Variants in UST observed in about 807,000 individuals in gnomAD.
UST encodes the protein uronyl 2-sulfotransferase.
A neutral mutation model predicts 45.6 loss-of-function variants in UST; 21 were observed. The observed-to-expected ratio is 0.46, with a 90% CI of 0.33 to 0.66. The LOEUF is 0.66. Ranked by LOEUF, UST falls within the 30% of genes least tolerant of loss-of-function variation. The pLI, the probability that UST is intolerant of heterozygous loss-of-function variation, is 0.02. For missense variants in UST, 463 were observed against 512.4 expected (o/e 0.90, Z 0.93); for synonymous variants, 215 against 200.6 (o/e 1.07, Z -0.61).
chr6:148,949,415 ATAATAATAATAATAATAATAT>A (rs945063751), intron 3 of UST, among the ~76,000 whole-genome samples: 2 of 114,498 alleles, frequency 1.7e-5, no homozygotes, highest in East Asian at 2.7e-4. Flanking sequence ...AATAATAATA[ATAATAATAATAATAATAATAT>A]TACTTATTCA....
chr6:148,853,717 G>A (rs922854819), intron 1 of UST, among the ~76,000 whole-genome samples: 1 of 152,188 alleles, frequency 6.6e-6, no homozygotes, highest in Admixed American at 6.5e-5. Flanking sequence ...GATCAGTGAT[G>A]TTGAACTTTT....
chr6:149,016,462 G>A (rs1191346325), intron 5 of UST, among the ~76,000 whole-genome samples: 1 of 152,220 alleles, frequency 6.6e-6, no homozygotes, highest in East Asian at 1.9e-4. Flanking sequence ...GGAGCAGTGT[G>A]CCTTGTCTCT....
intron 1 of UST, among the ~76,000 whole-genome samples, chr6:148,852,434 T>G (rs936565997): frequency 2.6e-5 from 4 of 152,238 alleles, no homozygotes; most frequent in Admixed American, 1.3e-4. Flanking sequence ...CCTAGGCCTG[T>G]TCATGTTCCA....
At chr6:148,848,543 T>G (rs2114782514) in intron 1 of UST, among the ~76,000 whole-genome samples, 1 of 151,880 alleles carries the variant, frequency 6.6e-6, no homozygotes, top group Admixed American at 6.6e-5. Flanking sequence ...TGGTGATGCG[T>G]GCCTGTAGTC....
At chr6:148,950,569 A>C (rs902333160) in intron 3 of UST, among the ~76,000 whole-genome samples, 2 of 152,158 alleles carry the variant, frequency 1.3e-5, no homozygotes, top group African/African-American at 4.8e-5. Flanking sequence ...CGGATCACTG[A>C]ACACCTCTGG....
chr6:148,796,622 TCAAAAAAAAAA>T (rs1776953815), intron 1 of UST, among the ~76,000 whole-genome samples: 1 of 44,440 alleles, frequency 2.3e-5, no homozygotes, highest in African/African-American at 7.5e-5. Context: ...AGACTCTGTC[TCAAAAAAAAAA>T]AAAAAAAAAA....
intron 1 of UST, among the ~76,000 whole-genome samples, chr6:148,792,873 C>A (rs948633643): frequency 6.6e-6 from 1 of 152,094 alleles, no homozygotes; most frequent in African/African-American, 2.4e-5. Context: ...ATCCTTTGAT[C>A]TAAACATTCT....
At chr6:148,824,631 T>C (rs1777532827) in intron 1 of UST, among the ~76,000 whole-genome samples, 1 of 151,790 alleles carries the variant, frequency 6.6e-6, no homozygotes, top group African/African-American at 2.4e-5. Context: ...TTATTTTCAC[T>C]ACCGCTGAGT....
chr6:148,888,066 A>C (rs1363240137), intron 2 of UST, among the ~76,000 whole-genome samples: 1 of 152,192 alleles, frequency 6.6e-6, no homozygotes, highest in Non-Finnish European at 1.5e-5. Flanking sequence ...TAATTTAAAA[A>C]ATTCCACAGG....
At chr6:149,061,621 T>C (rs573411150) in intron 7 of UST, among the ~76,000 whole-genome samples, 87 of 152,350 alleles carry the variant, frequency 5.7e-4, no homozygotes, top group South Asian at 3.7e-3. Flanking sequence ...TCCACTGACA[T>C]ATGCATTTCA....
At chr6:148,862,584 T>C (rs534609335) in intron 1 of UST, among the ~76,000 whole-genome samples, 1 of 152,364 alleles carries the variant, frequency 6.6e-6, no homozygotes, top group East Asian at 1.9e-4. Context: ...TGCAGTTTCT[T>C]TCTAGCATCG....
chr6:148,789,799 T>C (rs534429461), intron 1 of UST, among the ~76,000 whole-genome samples: 1 of 152,220 alleles, frequency 6.6e-6, no homozygotes, highest in South Asian at 2.1e-4. Flanking sequence ...GGTTTTACCA[T>C]GTTGGCCAGG....
At chr6:148,975,837 T>A (rs934651026) in intron 5 of UST, among the ~76,000 whole-genome samples, 2 of 152,208 alleles carry the variant, frequency 1.3e-5, no homozygotes, top group African/African-American at 4.8e-5. Flanking sequence ...CCACGGAGGC[T>A]GTGAGTTGTC....
intron 1 of UST, among the ~76,000 whole-genome samples, chr6:148,783,166 A>G (rs1776675097): frequency 6.6e-6 from 1 of 152,272 alleles, no homozygotes; most frequent in Non-Finnish European, 1.5e-5. Context: ...AAGCATTTTT[A>G]GCAATTAAGC....
At chr6:148,803,429 T>A (rs371997642) in intron 1 of UST, among the ~76,000 whole-genome samples, 9 of 152,334 alleles carry the variant, frequency 5.9e-5, no homozygotes, top group African/African-American at 1.9e-4. Context: ...ACATAATCTA[T>A]CATTAGTCCT....
chr6:148,965,169 T>C (rs187069798), intron 5 of UST, among the ~76,000 whole-genome samples: 1 of 152,320 alleles, frequency 6.6e-6, no homozygotes, highest in African/African-American at 2.4e-5. Context: ...TTTGGGACCC[T>C]CAGCTCCATA....
At chr6:148,876,261 A>G (rs1394697758) in intron 1 of UST, among the ~76,000 whole-genome samples, 2 of 152,146 alleles carry the variant, frequency 1.3e-5, no homozygotes, top group South Asian at 2.1e-4. Flanking sequence ...ACTCACTACC[A>G]CAAGGACAGC....
intron 7 of UST, among the ~76,000 whole-genome samples, chr6:149,043,008 TTTCTTTC>T (rs1276875113): frequency 2.6e-5 from 3 of 113,346 alleles, no homozygotes; most frequent in African/African-American, 4.6e-5. Flanking sequence ...TCTTTCTTTC[TTTCTTTC>T]TTTCTTTTTC....
intron 2 of UST, among the ~76,000 whole-genome samples, chr6:148,907,661 T>G (rs1266757307): frequency 6.6e-6 from 1 of 152,188 alleles, no homozygotes; most frequent in Non-Finnish European, 1.5e-5. Flanking sequence ...TTTGGTTTAT[T>G]TAGCACTGGC....
Sources: allele counts gnomAD v4.1 joint callset (sites outside exome capture counted in the v4.1 genomes callset), GRCh38; gene constraint gnomAD v4.1.1; transcripts MANE v1.5; gene names NCBI Gene and HGNC (gene_info 2026-07-23, HGNC 2026-07-21).